ZNF638: variants seen among roughly 807,000 people sequenced by gnomAD.
ZNF638 encodes CTCL tumor antigen se33-1.
A neutral mutation model predicts 195.6 loss-of-function variants in ZNF638; 46 were observed. The observed-to-expected ratio is 0.24, with a 90% CI of 0.19 to 0.30. The LOEUF is 0.30. Ranked by LOEUF, ZNF638 falls within the 10% of genes least tolerant of loss-of-function variation. The pLI, the probability that ZNF638 is intolerant of heterozygous loss-of-function variation, is 1.00. For missense variants in ZNF638, 2,440 were observed against 2,325.3 expected, an observed-to-expected ratio of 1.05 and a Z score of -1.01; for synonymous variants, 845 against 772.0, an observed-to-expected ratio of 1.09 and a Z score of -1.57.
intron 8 of ZNF638, among the ~76,000 whole-genome samples, chr2:71,376,628 A>G (rs1395659099): frequency 1.3e-5 from 2 of 152,168 alleles, no homozygotes; most frequent in Non-Finnish European, 2.9e-5. Context: ...TTGATATTTC[A>G]TGTTAGGACT....
intron 15 of ZNF638, among the ~76,000 whole-genome samples, chr2:71,401,009 C>A (rs543111632): frequency 2.0e-5 from 3 of 152,186 alleles, no homozygotes; most frequent in African/African-American, 7.2e-5. Context: ...ACATTACAAT[C>A]ATTAATTTAC....
intron 21 of ZNF638, among the ~76,000 whole-genome samples, chr2:71,419,382 G>T (rs958653753): frequency 2.6e-5 from 4 of 152,204 alleles, no homozygotes; most frequent in African/African-American, 9.6e-5. Flanking sequence ...GCGTATATTT[G>T]TTTGAAACAG....
At chr2:71,388,744 C>A in intron 10 of ZNF638, 3 of 1,113,074 alleles carry the variant, frequency 2.7e-6, no homozygotes, top group Non-Finnish European at 4.1e-6. Context: ...GGTGCCCACT[C>A]GGGATATCCA....
At chr2:71,418,034 C>T (rs1447971855) in intron 20 of ZNF638, among the ~76,000 whole-genome samples, 1 of 152,112 alleles carries the variant, frequency 6.6e-6, no homozygotes, top group Non-Finnish European at 1.5e-5. Context: ...ATCCCAAGTA[C>T]CCAGGACAGT....
chr2:71,360,659 T>C (rs574184567), intron 3 of ZNF638, among the ~76,000 whole-genome samples: 18 of 152,270 alleles, frequency 1.2e-4, no homozygotes, highest in African/African-American at 4.3e-4. Context: ...TTGTTGAATG[T>C]CCCACTTCCT....
intron 8 of ZNF638, chr2:71,374,919 G>T (rs942650934): frequency 6.6e-6 from 1 of 152,128 alleles, no homozygotes; most frequent in Non-Finnish European, 1.5e-5. Flanking sequence ...GCCAGGCTTT[G>T]TCTTAAACAA....
intron 6 of ZNF638, among the ~76,000 whole-genome samples, chr2:71,367,034 T>C (rs1157093215): frequency 1.3e-5 from 2 of 152,116 alleles, no homozygotes; most frequent in Non-Finnish European, 2.9e-5. Flanking sequence ...TGAAAGACTT[T>C]CAGTAAGTGC....
intron 20 of ZNF638, among the ~76,000 whole-genome samples, chr2:71,417,732 G>A (rs1371274422): frequency 6.6e-6 from 1 of 151,170 alleles, no homozygotes; most frequent in Non-Finnish European, 1.5e-5. Context: ...TCTGTAATTG[G>A]GACTTAAAAA....
chr2:71,338,267 T>C (rs2078705578), intron 1 of ZNF638, among the ~76,000 whole-genome samples: 1 of 152,248 alleles, frequency 6.6e-6, no homozygotes, highest in South Asian at 2.1e-4. Context: ...GGTTGCAAAA[T>C]GATTTTCTAC....
Position 71,364,174 on chromosome 2 carries a change from A to T in ZNF638, c.1639A>T (p.Asn547Tyr). Residue 547 changes from asparagine (N) to tyrosine (Y), a missense_variant, in exon 5 of 28, where the codon AAT becomes TAT. By Grantham distance (143) the Asn-to-Tyr change is moderately radical. Around this residue, in one of 5 missense-constraint regions of ZNF638, gnomAD observed 1,883 missense variants for 1,739.1 expected, o/e 1.08. Coordinates refer to ENST00000264447, the MANE Select transcript of ZNF638 (RefSeq NM_014497.5). ...ATCCCGTTCACCATATCGAATTAGA[A>T]ATCCATTTAGAGGTAGTCCAAAATG... is the stretch of plus-strand genomic sequence containing the variant. ...SRSRSPYRIR[N>Y]PFRGSPKCFR... 6.2e-7 allele frequency: 1 copy of T among 1,614,202 alleles called. No individual in the cohort carries two copies. Among genetic ancestry groups the T allele is most frequent in the Non-Finnish European group, 8.5e-7 (1 of 1,180,032 alleles).
At position 71,426,717 on chromosome 2, in the gene ZNF638, A is replaced by G. The variant is rs770217792; in HGVS notation, c.4848A>G (p.Gln1616=). 26 of 1,614,224 alleles carry G rather than the reference A, an allele frequency of 1.6e-5. No individual in the cohort carries two copies. Among genetic ancestry groups the G allele is most frequent in the East Asian group, 2.2e-5 (1 of 44,876 alleles). The change falls in exon 24 of 28, where the codon CAA becomes CAG. Residue 1616 remains glutamine (Q), a synonymous_variant. Transcript: ENST00000264447. ...EEEDAAAHLA[Q]ALVTVDEVID... is the part of the protein sequence containing the mutation. ...AAGATGCAGCTGCACATCTAGCACA[A>G]GCTCTAGTCACTGTGGATGAAGTAA... is the stretch of plus-strand genomic sequence containing the variant.
At chr2:71,432,033 A>G (rs2080676229) in intron 26 of ZNF638, among the ~76,000 whole-genome samples, 1 of 152,352 alleles carries the variant, frequency 6.6e-6, no homozygotes. Context: ...AAGTCACTCC[A>G]GTTAAGCAGA....
At chr2:71,382,615 A>G (rs1235444920) in intron 10 of ZNF638, among the ~76,000 whole-genome samples, 1 of 152,248 alleles carries the variant, frequency 6.6e-6, no homozygotes, top group African/African-American at 2.4e-5. Context: ...AGTAGCTATT[A>G]TATGCCCATG....
intron 8 of ZNF638, 72 bp downstream of exon 8, chr2:71,370,077 C>G: frequency 2.0e-6 from 3 of 1,483,652 alleles, no homozygotes; most frequent in Non-Finnish European, 2.8e-6. Context: ...AAGTATGGCA[C>G]ACATATAGAA....
At chr2:71,365,337 T>G in intron 5 of ZNF638, 92 bp from the exon 6 acceptor site, 1 of 1,053,944 alleles carries the variant, frequency 9.5e-7, no homozygotes, top group South Asian at 1.9e-5. Flanking sequence ...GCTCCCTGTT[T>G]AGCTTGAGAA....
chr2:71,375,701 A>T (rs562570862), intron 8 of ZNF638: 1 of 152,366 alleles, frequency 6.6e-6, no homozygotes, highest in Admixed American at 6.5e-5. Flanking sequence ...GCATGACATA[A>T]TAAAACGGAG....
intron 5 of ZNF638, among the ~76,000 whole-genome samples, chr2:71,364,695 C>A (rs1658561402): frequency 6.6e-6 from 1 of 152,192 alleles, no homozygotes; most frequent in African/African-American, 2.4e-5. Flanking sequence ...CCCACTGTTT[C>A]ACTTGACTAG....
Position 71,350,072 on chromosome 2 carries a change from A to C in ZNF638, c.1118A>C (p.Tyr373Ser). The C allele has an allele frequency of 6.2e-7, 1 of 1,614,174 alleles. No homozygotes were observed. Among genetic ancestry groups the C allele is most frequent in the Non-Finnish European group, 8.5e-7 (1 of 1,180,046 alleles). ...HVGSRGSKKN[Y>S]QSQADIPIRS... ...GGATCAAGAGGAAGTAAAAAGAATT[A>C]CCAGTCACAGGCTGACATTCCCATT... The change falls in exon 2 of 28, where the codon TAC becomes TCC. Residue 373 changes from tyrosine to serine, a missense_variant. By Grantham distance (144) the Tyr-to-Ser change is moderately radical. Transcript: ENST00000264447.
At chr2:71,424,741 C>G (rs750717755) in intron 23 of ZNF638, 26 bp downstream of exon 23, 2 of 1,578,514 alleles carry the variant, frequency 1.3e-6, no homozygotes, top group Non-Finnish European at 1.7e-6. Flanking sequence ...CAGACCCTAA[C>G]CCTTCTTTTT....
Sources: gnomAD v4.1 joint callset for allele counts (sites outside exome capture counted in the v4.1 genomes callset) on GRCh38, gnomAD v4.1.1 for gene constraint, gnomAD v4.1.1 regional missense constraint, MANE v1.5 for transcripts, NCBI Gene and HGNC (gene_info 2026-07-23, HGNC 2026-07-21) for gene names.